The following RGS20 variants were observed in gnomAD, a reference collection of about 807,000 sequenced individuals.
RGS20 encodes gz-selective GTPase-activating protein.
Under a neutral mutation model 33.6 loss-of-function variants are expected in RGS20, and 30 were observed. The observed-to-expected ratio is 0.89, with a 90% confidence interval of 0.67 to 1.21. The LOEUF (loss-of-function observed/expected upper bound fraction) is 1.21. Ranked by LOEUF, RGS20 falls within the 50% of genes most tolerant of loss-of-function variation. RGS20 has a pLI of 0.00. For synonymous variants in RGS20, 208 were observed against 197.9 expected (o/e 1.05, Z -0.43); for missense variants, 472 against 502.4 (o/e 0.94, Z 0.58).
chr8:53,946,763 T>A lies in RGS20; in HGVS notation c.743+15T>A. 6.2e-7 allele frequency: 1 copy of A among 1,605,918 alleles called. No homozygotes were observed. Among genetic ancestry groups the A allele is most frequent in the South Asian group, 1.1e-5 (1 of 90,532 alleles). On this transcript the variant is annotated intron_variant, in intron 4 of 5. Transcript: ENST00000297313. The stretch of plus-strand genomic sequence containing the variant: ...TGGGAAGAAAGGTGAAATCACACGT[T>A]TTTTTTACCTCACTAAACTAACAGA...
At chr8:53,869,414 G>A (rs2062226) in intron 1 of RGS20, among the ~76,000 whole-genome samples, 11,076 of 152,122 alleles carry the variant, frequency 0.073, 874 homozygotes, top group East Asian at 0.32. Flanking sequence ...GATGGCTTAC[G>A]TCTGTAATCC....
chr8:53,949,571 C>T (rs1336308924), intron 4 of RGS20, among the ~76,000 whole-genome samples: 1 of 151,240 alleles, frequency 6.6e-6, no homozygotes, highest in Admixed American at 6.6e-5. Context: ...CAAAAATTAG[C>T]GGGGCGTGGT....
intron 3 of RGS20, 61 bp downstream of exon 2, chr8:53,939,785 C>G: frequency 1.3e-6 from 2 of 1,483,868 alleles, no homozygotes; most frequent in Non-Finnish European, 1.8e-6. Context: ...GTGCTCCTGA[C>G]TGGGACGTGG....
At chr8:53,852,332 T>C (rs1466970078) in intron 1 of RGS20, among the ~76,000 whole-genome samples, 1 of 152,226 alleles carries the variant, frequency 6.6e-6, no homozygotes, top group East Asian at 1.9e-4. Context: ...TTTCAGGTGA[T>C]AACATTCAAC....
chr8:53,938,100 C>T (rs1479872938), intron 2 of RGS20, among the ~76,000 whole-genome samples: 1 of 152,180 alleles, frequency 6.6e-6, no homozygotes, highest in East Asian at 1.9e-4. Flanking sequence ...TTTATTGAGG[C>T]ACTGTTCACA....
intron 3 of RGS20, 30 bp downstream of exon 2, chr8:53,939,754 C>T (rs1224480802): frequency 6.5e-7 from 1 of 1,537,428 alleles, no homozygotes; most frequent in Admixed American, 2.0e-5. Context: ...AATGAATGTG[C>T]TCCTGACTGG....
At chr8:53,929,555 C>G (rs940159471) in intron 2 of RGS20, among the ~76,000 whole-genome samples, 3 of 152,128 alleles carry the variant, frequency 2.0e-5, no homozygotes, top group African/African-American at 7.2e-5. Context: ...GTAATTCCAG[C>G]TACTCGGGAG....
At chr8:53,876,167 T>G (rs1454936715) in intron 1 of RGS20, 2 of 152,264 alleles carry the variant, frequency 1.3e-5, no homozygotes, top group Non-Finnish European at 2.9e-5. Flanking sequence ...GAACTGTGAC[T>G]TTAATTCTAA....
At chr8:53,860,972 A>T (rs1238422935) in intron 1 of RGS20, among the ~76,000 whole-genome samples, 1 of 152,132 alleles carries the variant, frequency 6.6e-6, no homozygotes, top group Non-Finnish European at 1.5e-5. Context: ...GTCTCCAAAA[A>T]AAAAAAAAGA....
At chr8:53,869,423 C>G (rs527509308) in intron 1 of RGS20, among the ~76,000 whole-genome samples, 1 of 152,078 alleles carries the variant, frequency 6.6e-6, no homozygotes, top group African/African-American at 2.4e-5. Context: ...CGTCTGTAAT[C>G]CCAGCATTTT....
At chr8:53,854,818 C>T (rs1407798156) in intron 1 of RGS20, among the ~76,000 whole-genome samples, 1 of 152,166 alleles carries the variant, frequency 6.6e-6, no homozygotes, top group African/African-American at 2.4e-5. Context: ...CCCTGTATGC[C>T]AATGTCCACA....
intron 1 of RGS20, among the ~76,000 whole-genome samples, chr8:53,857,227 C>G (rs1048106584): frequency 6.6e-6 from 1 of 152,280 alleles, no homozygotes; most frequent in African/African-American, 2.4e-5. Flanking sequence ...ATACTTCTCT[C>G]TGCCGTGGCT....
chr8:53,870,956 C>T (rs1812048719), intron 1 of RGS20, among the ~76,000 whole-genome samples: 1 of 151,412 alleles, frequency 6.6e-6, no homozygotes, highest in Non-Finnish European at 1.5e-5. Context: ...ACTAAAACTA[C>T]AAAAATTAGC....
chr8:53,919,592 CTTTTTTT>C (rs749181497), intron 2 of RGS20, among the ~76,000 whole-genome samples: 31 of 136,354 alleles, frequency 2.3e-4, no homozygotes, highest in African/African-American at 6.4e-4. Context: ...AACATTTTTT[CTTTTTTT>C]TTTTTTTTTG....
At chr8:53,947,788 CA>C (rs1814556421) in intron 4 of RGS20, among the ~76,000 whole-genome samples, 1 of 131,318 alleles carries the variant, frequency 7.6e-6, no homozygotes, top group Non-Finnish European at 1.6e-5. Context: ...ATAGTATATA[CA>C]TTTATATATG....
At chr8:53,930,877 AT>A (rs1813935466) in intron 2 of RGS20, among the ~76,000 whole-genome samples, 1 of 152,162 alleles carries the variant, frequency 6.6e-6, no homozygotes, top group Non-Finnish European at 1.5e-5. Context: ...TACCTGGAGC[AT>A]CTTTTGTTCA....
At chr8:53,867,180 G>A (rs1001782313) in intron 1 of RGS20, among the ~76,000 whole-genome samples, 37 of 151,992 alleles carry the variant, frequency 2.4e-4, no homozygotes, top group African/African-American at 7.5e-4. Context: ...CCTCAGGAGA[G>A]CGGCAGAGCC....
At chr8:53,864,490 G>A (rs188738464) in intron 1 of RGS20, among the ~76,000 whole-genome samples, 23 of 150,740 alleles carry the variant, frequency 1.5e-4, no homozygotes, top group African/African-American at 3.9e-4. Flanking sequence ...AGCCTGCATC[G>A]GTGAGTCCAG....
chr8:53,943,424 T>C (rs1814366189), intron 3 of RGS20, among the ~76,000 whole-genome samples: 1 of 152,166 alleles, frequency 6.6e-6, no homozygotes, highest in East Asian at 1.9e-4. Context: ...GAATATAAAG[T>C]TTTTTTCCTT....
Sources: allele counts gnomAD v4.1 joint callset (sites outside exome capture counted in the v4.1 genomes callset), GRCh38; gene constraint gnomAD v4.1.1; transcripts MANE v1.5; gene names NCBI Gene and HGNC (gene_info 2026-07-23, HGNC 2026-07-21).